The following NFATC3 variants were observed in gnomAD, a reference collection of about 807,000 sequenced individuals.
NFATC3 encodes nuclear factor of activated T-cells, cytoplasmic 3.
In NFATC3, 46 loss-of-function variants were observed where a neutral mutation model predicts 98.6. That is an observed-to-expected ratio of 0.47 (90% CI 0.37 to 0.60). The LOEUF is 0.60. Ranked by LOEUF, NFATC3 falls within the 20% of genes least tolerant of loss-of-function variation. The pLI is 0.00. For missense variants in NFATC3, 1,256 were observed against 1,295.5 expected (o/e 0.97, Z 0.47); for synonymous variants, 512 against 472.2 (o/e 1.08, Z -1.09).
At chr16:68,221,009 A>G (rs532809545) in intron 9 of NFATC3, among the ~76,000 whole-genome samples, 32 of 152,196 alleles carry the variant, frequency 2.1e-4, no homozygotes, top group African/African-American at 7.7e-4. Context: ...GGCTTCCCCT[A>G]GTGTTGGGAT....
At chr16:68,175,718 C>A (rs1380402412) in intron 6 of NFATC3, among the ~76,000 whole-genome samples, 1 of 151,934 alleles carries the variant, frequency 6.6e-6, no homozygotes, top group Non-Finnish European at 1.5e-5. Context: ...CGCCACCACA[C>A]CTGGCTAATT....
rs557514802 is a variant in NFATC3 at position 68,193,225 on chromosome 16, A to G, written c.3106+1450A>G. Among the ~76,000 whole-genome samples, 13 of 152,226 alleles carry G rather than the reference A, an allele frequency of 8.5e-5. No individual in the cohort carries two copies. The South Asian group carries it at 2.5e-3, about 29-fold the overall frequency. On this transcript the variant is annotated intron_variant, in intron 9 of 9. Transcript: ENST00000346183. ...TGGATAGATTATGTGCAAATAGTAC[A>G]CTGTTTTATATAAGGGACTTGCGCA...
chr16:68,168,176 T>C (rs1353347714), intron 5 of NFATC3, among the ~76,000 whole-genome samples: 1 of 150,586 alleles, frequency 6.6e-6, no homozygotes, highest in African/African-American at 2.5e-5. Context: ...TTGGGTGTTT[T>C]TTGAGACGGA....
rs1435629653 is a variant in NFATC3, at chr16:68,158,050, A to C, written c.1583A>C (p.Glu528Ala). The change falls in exon 4 of 10, where the codon GAA (glutamate) becomes GCA (alanine). Residue 528 changes from glutamate to alanine, a missense_variant. Glu to Ala is a moderately radical substitution (Grantham distance 107). Around this residue, in one of 3 missense-constraint regions of NFATC3, gnomAD observed 156 missense variants for 212.4 expected, o/e 0.73. Coordinates refer to ENST00000346183, the MANE Select transcript of NFATC3 (RefSeq NM_173165.3). ...GTTCTGGAAATTCCACTTCTTCCTG[A>C]AAATAATATGTCAGCCAGGTATTTT... is the stretch of plus-strand genomic sequence containing the variant. ...TKVLEIPLLP[E>A]NNMSASIDCA... The C allele has an allele frequency of 1.2e-6, 2 of 1,612,542 alleles. No individual in the cohort carries two copies. The highest frequency in any genetic ancestry group is 8.5e-7 in the Non-Finnish European group (1 of 1,179,146).
intron 8 of NFATC3, among the ~76,000 whole-genome samples, chr16:68,184,004 C>CAAAAAAA (rs34341175): frequency 5.0e-4 from 31 of 62,036 alleles, no homozygotes; most frequent in African/African-American, 6.2e-4. Context: ...AACTCCGTCA[C>CAAAAAAA]AAAAAAAAAA....
intron 3 of NFATC3, among the ~76,000 whole-genome samples, chr16:68,142,992 G>A (rs1184636284): frequency 6.6e-6 from 1 of 151,930 alleles, no homozygotes; most frequent in East Asian, 1.9e-4. Flanking sequence ...GTACCTTGTG[G>A]GGGCTGAGGA....
chr16:68,115,447 GT>G, intron 1 of NFATC3, among the ~76,000 whole-genome samples: 1 of 151,842 alleles, frequency 6.6e-6, no homozygotes, highest in Non-Finnish European at 1.5e-5. Flanking sequence ...GAGAGACGGA[GT>G]CTTGCTCTTG....
chr16:68,218,845 TACAGGCGTGAGCCACC>T (rs1276113348), intron 9 of NFATC3, among the ~76,000 whole-genome samples: 1 of 151,414 alleles, frequency 6.6e-6, no homozygotes, highest in African/African-American at 2.4e-5. Context: ...GTGCTGAGAT[TACAGGCGTGAGCCACC>T]ACGCCCGGCC....
In NFATC3 at chr16:68,226,613, C is replaced by A; in HGVS notation, c.*142C>A. 1.0e-6 allele frequency: 1 copy of A among 963,698 alleles called. No homozygotes were observed. Among genetic ancestry groups the A allele is most frequent in the Non-Finnish European group, 1.4e-6 (1 of 692,068 alleles). 59.7% of individuals were successfully genotyped at this position (963,698 alleles called of 1,614,324 possible). ...TTGTGGGGAAAGTAGCATTCCTCCACCTCAGGCCTTGGGTAGATTTGGCAA... is the reference window on the plus strand; with the variant it reads ...TTGTGGGGAAAGTAGCATTCCTCCAACTCAGGCCTTGGGTAGATTTGGCAA... On this transcript the variant is annotated 3_prime_UTR_variant, in exon 10 of 10. Transcript: ENST00000346183.
Position 68,122,671 on chromosome 16 carries a change from C to A in NFATC3, c.788C>A (p.Pro263His), listed in dbSNP as rs761177655. ...CTGAGCCCCAGGCCAGCCTCAGGAC[C>A]CTCATCAAGGCCCACATCCCCCTGT... ...NWLSPRPASG[P>H]SSRPTSPCGK... is the part of the protein sequence containing the mutation. Residue 263 changes from proline (P) to histidine (H), a missense_variant, in exon 2 of 10, where the codon CCC becomes CAC. Physicochemically the swap from Pro to His is moderately conservative, Grantham distance 77. Transcript: ENST00000346183. 1 of 1,614,188 alleles carries A rather than the reference C, an allele frequency of 6.2e-7. No individual in the cohort carries two copies. The highest frequency in any genetic ancestry group is 8.5e-7 in the Non-Finnish European group (1 of 1,180,040).
intron 8 of NFATC3, among the ~76,000 whole-genome samples, chr16:68,185,602 G>A (rs367792024): frequency 1.1e-4 from 17 of 151,944 alleles, no homozygotes; most frequent in African/African-American, 2.7e-4. Flanking sequence ...GGGGCCGGGC[G>A]CGGTGGCTCA....
intron 3 of NFATC3, among the ~76,000 whole-genome samples, chr16:68,149,221 C>G (rs2038192275): frequency 6.6e-6 from 1 of 152,098 alleles, no homozygotes; most frequent in African/African-American, 2.4e-5. Flanking sequence ...TAATGGAAGT[C>G]TGCATACTGA....
intron 4 of NFATC3, among the ~76,000 whole-genome samples, chr16:68,166,027 A>C (rs1331512788): frequency 1.3e-5 from 2 of 152,262 alleles, no homozygotes; most frequent in Non-Finnish European, 2.9e-5. Context: ...TTACATGTGC[A>C]TTCCTTAGAA....
chr16:68,178,527 AGAG>A (rs2065822198), intron 6 of NFATC3, among the ~76,000 whole-genome samples: 2 of 152,242 alleles, frequency 1.3e-5, no homozygotes, highest in Admixed American at 1.3e-4. Flanking sequence ...GTGCTCTGAT[AGAG>A]CTTACATTGT....
intron 9 of NFATC3, among the ~76,000 whole-genome samples, chr16:68,217,464 CAAAAAAAA>C (rs68079157): frequency 2.2e-5 from 1 of 44,962 alleles, no homozygotes; most frequent in Non-Finnish European, 4.3e-5. Context: ...GTCTCTGTCT[CAAAAAAAA>C]AAAAAAAAAA....
At chr16:68,092,131 T>C (rs2034745307) in intron 1 of NFATC3, among the ~76,000 whole-genome samples, 1 of 152,194 alleles carries the variant, frequency 6.6e-6, no homozygotes, top group African/African-American at 2.4e-5. Flanking sequence ...ATTTAATCTT[T>C]GGGACAGTTC....
intron 3 of NFATC3, among the ~76,000 whole-genome samples, chr16:68,156,479 A>G (rs2038624307): frequency 6.6e-6 from 1 of 152,216 alleles, no homozygotes; most frequent in Non-Finnish European, 1.5e-5. Context: ...AAGTTTATAC[A>G]CCATGATCAA....
intron 9 of NFATC3, among the ~76,000 whole-genome samples, chr16:68,192,868 T>TA (rs1369123706): frequency 3.3e-5 from 5 of 151,702 alleles, no homozygotes; most frequent in African/African-American, 1.2e-4. Context: ...GCCTCAAATT[T>TA]AAAAAAAAGA....
chr16:68,103,180 CT>C (rs926329813), intron 1 of NFATC3, among the ~76,000 whole-genome samples: 38 of 147,008 alleles, frequency 2.6e-4, no homozygotes, highest in Admixed American at 6.8e-4. Flanking sequence ...CTTTTTTCTT[CT>C]TTTTTTTTTA....
Sources: allele counts gnomAD v4.1 joint callset (sites outside exome capture counted in the v4.1 genomes callset), GRCh38; gene constraint gnomAD v4.1.1; regional missense constraint gnomAD v4.1.1; transcripts MANE v1.5; gene names NCBI Gene and HGNC (gene_info 2026-07-23, HGNC 2026-07-21).